FIGNL2: variants seen among roughly 807,000 people sequenced by gnomAD.
FIGNL2 encodes the protein fidgetin like 2, also known as fidgetin-like protein 2.
For missense variants in FIGNL2, 1,060 were observed against 950.2 expected (o/e 1.12, Z -1.52); for synonymous variants, 565 against 484.0 (o/e 1.17, Z -2.20).
At chr12:51,847,766 G>C in intron 1 of FIGNL2, 1 of 985,202 alleles carries the variant, frequency 1.0e-6, no homozygotes, top group Non-Finnish European at 1.2e-6. Context: ...CTGCAGCGGC[G>C]GGGGGGTTGC....
At chr12:51,843,203 G>GCA (rs1671116113) in intron 1 of FIGNL2, among the ~76,000 whole-genome samples, 1 of 152,172 alleles carries the variant, frequency 6.6e-6, no homozygotes, top group African/African-American at 2.4e-5. Flanking sequence ...CCAGAGCCTT[G>GCA]CACAGTACTG....
chr12:51,847,198 G>T, intron 1 of FIGNL2: 1 of 985,400 alleles, frequency 1.0e-6, no homozygotes, highest in East Asian at 1.1e-4. Flanking sequence ...AGGATGCTAT[G>T]GGATTTCGGG....
Position 51,821,250 on chromosome 12 carries a change from C to CG in FIGNL2, c.1163dup (p.Val389GlyfsTer139). 1 of 1,526,072 alleles carries CG rather than the reference C, an allele frequency of 6.6e-7. No individual in the cohort carries two copies. The highest frequency in any genetic ancestry group is 1.4e-5 in the African/African-American group (1 of 71,006). 94.5% of individuals were successfully genotyped at this position (1,526,072 alleles called of 1,614,324 possible). The stretch of plus-strand genomic sequence containing the variant: ...GGCCCGCCACATCCGCCCACTGCAC[C>CG]GGGGGCCCGCAGTCCACCATCTTGC... On this transcript the variant is annotated frameshift_variant, in exon 2 of 2. Transcript: ENST00000618634. LOFTEE classifies it low-confidence loss of function (END_TRUNC).
chr12:51,829,683 G>A (rs1339493790), intron 1 of FIGNL2, among the ~76,000 whole-genome samples: 1 of 151,946 alleles, frequency 6.6e-6, no homozygotes, highest in Non-Finnish European at 1.5e-5. Flanking sequence ...AGGCAAACCA[G>A]ACCACATTGG....
At position 51,822,960 on chromosome 12, in the gene FIGNL2, G is replaced by T. The variant is rs776865863; in HGVS notation, c.-11-536C>A. 2.6e-4 allele frequency among the ~76,000 whole-genome samples: 40 copies of T among 152,348 alleles called. No homozygotes were observed. The Middle Eastern group carries it at 0.017, about 65-fold the overall frequency. ...GAAGTTTGTTATTCCTAAATGCTCT[G>T]TTCACCTCAGCCCTTCCTGAGATTC... On this transcript the variant is annotated intron_variant, in intron 1 of 1. Transcript: ENST00000618634.
intron 1 of FIGNL2, chr12:51,831,875 C>G (rs1939479429): frequency 6.5e-6 from 1 of 153,984 alleles, no homozygotes; most frequent in Non-Finnish European, 1.5e-5. Context: ...AGGTCTTGCT[C>G]TGTTGCCCAG....
chr12:51,822,752 C>T (rs1939251934), intron 1 of FIGNL2, among the ~76,000 whole-genome samples: 1 of 152,220 alleles, frequency 6.6e-6, no homozygotes. Context: ...ACACGTGATC[C>T]TTACTTTCTA....
chr12:51,823,631 C>G (rs190749723), intron 1 of FIGNL2: 1 of 152,166 alleles, frequency 6.6e-6, no homozygotes, highest in Admixed American at 6.5e-5. Context: ...TGTGGGCCAG[C>G]CTGATAAAAT....
In FIGNL2 at chr12:51,848,698, G is replaced by T. The variant is rs1939804792; in HGVS notation, c.-170C>A. On this transcript the variant is annotated 5_prime_UTR_variant, in exon 1 of 2. Coordinates refer to ENST00000618634, the MANE Select transcript of FIGNL2 (RefSeq NM_001384995.1). ...CGCTGCTGCTGCGGCTGCTGCGGCC[G>T]CCGCGGGCGGGAGCGGGACTGGGCA... 5 of 274,936 alleles carry T rather than the reference G, an allele frequency of 1.8e-5. No individual in the cohort carries two copies. The highest frequency in any genetic ancestry group is 2.8e-5 in the Non-Finnish European group (5 of 180,702). The allele number at this position is 274,936 out of a possible 1,614,324, so 17.0% of individuals were successfully genotyped here.
At chr12:51,831,842 A>T (rs73107290) in intron 1 of FIGNL2, 2,475 of 154,152 alleles carry the variant, frequency 0.016, 37 homozygotes, top group Non-Finnish European at 0.025. Context: ...AAAAGCCCAA[A>T]ATATATATAC....
At chr12:51,835,808 T>C (rs866522947) in intron 1 of FIGNL2, among the ~76,000 whole-genome samples, 15 of 60,092 alleles carry the variant, frequency 2.5e-4, no homozygotes, top group African/African-American at 4.6e-4. Flanking sequence ...TAGACTTCTT[T>C]TTTTTTTTTT....
chr12:51,846,320 CG>C (rs1331950601), intron 1 of FIGNL2, among the ~76,000 whole-genome samples: 1 of 152,114 alleles, frequency 6.6e-6, no homozygotes, highest in Non-Finnish European at 1.5e-5. Flanking sequence ...GGTGCGCATC[CG>C]AGTTGGGCCC....
At chr12:51,847,958 AGAG>A (rs1324212819) in intron 1 of FIGNL2, among the ~76,000 whole-genome samples, 1 of 152,014 alleles carries the variant, frequency 6.6e-6, no homozygotes, top group African/African-American at 2.4e-5. Flanking sequence ...CTCCCGGGCC[AGAG>A]GAGAAGACAT....
Position 51,820,268 on chromosome 12 carries a change from C to T in FIGNL2, c.*184G>A. The T allele has an allele frequency of 1.3e-6, 1 of 775,542 alleles. No homozygotes were observed. The highest frequency in any genetic ancestry group is 2.0e-6 in the Non-Finnish European group (1 of 505,370). 48.0% of individuals were successfully genotyped at this position (775,542 alleles called of 1,614,324 possible). On this transcript the variant is annotated 3_prime_UTR_variant, in exon 2 of 2. Coordinates refer to ENST00000618634, the MANE Select transcript of FIGNL2 (RefSeq NM_001384995.1). Reference sequence around the variant, plus strand: ...CCTGAGTACACGGCGCATATGGCATCTGCCTGGCAGAAGCATTTTCCTTCC... The same window carrying T: ...CCTGAGTACACGGCGCATATGGCATTTGCCTGGCAGAAGCATTTTCCTTCC...
At position 51,821,111 on chromosome 12, in the gene FIGNL2, C is replaced by T; in HGVS notation, c.1303G>A (p.Gly435Ser). The part of the protein sequence containing the change: ...PRTVLLFGPR[G>S]AGKALLGRCL... ...CGGCCCAGCAGCGCTTTGCCCGCGC[C>T]CCGCGGCCCAAAGAGCAGGACGGTC... The change falls in exon 2 of 2, where the codon GGC (glycine) becomes AGC (serine). Residue 435 changes from glycine to serine, a missense_variant. Physicochemically the swap from Gly to Ser is moderately conservative, Grantham distance 56. Coordinates refer to ENST00000618634, the MANE Select transcript of FIGNL2 (RefSeq NM_001384995.1). The T allele has an allele frequency of 7.2e-7, 1 of 1,382,434 alleles. No homozygotes were observed. Among genetic ancestry groups the T allele is most frequent in the South Asian group, 1.6e-5 (1 of 61,000 alleles). 85.6% of individuals were successfully genotyped at this position (1,382,434 alleles called of 1,614,324 possible).
chr12:51,844,558 C>A, intron 1 of FIGNL2: 1 of 410,098 alleles, frequency 2.4e-6, no homozygotes, highest in South Asian at 1.0e-4. Context: ...TCCTTTCATC[C>A]TCACAATATC....
At chr12:51,825,031 T>C (rs1219314499) in intron 1 of FIGNL2, among the ~76,000 whole-genome samples, 1 of 151,284 alleles carries the variant, frequency 6.6e-6, no homozygotes, top group South Asian at 2.1e-4. Context: ...GCGACAAGAG[T>C]GAGACTCCAT....
chr12:51,829,457 A>ACCTG (rs1939410160), intron 1 of FIGNL2, among the ~76,000 whole-genome samples: 1 of 152,146 alleles, frequency 6.6e-6, no homozygotes, highest in Non-Finnish European at 1.5e-5. Context: ...GGCACCTACC[A>ACCTG]TACAGGAACC....
In FIGNL2 at chr12:51,820,760, G is replaced by A. The variant is rs1208183065; in HGVS notation, c.1654C>T (p.Arg552Cys). Residue 552 changes from arginine to cysteine, a missense_variant, in exon 2 of 2, where the codon CGC (arginine) becomes TGC (cysteine). Arg to Cys is a radical substitution (Grantham distance 180). Transcript: ENST00000618634. ...CTGTCGGGCAGCGCCACGTAGAAGC[G>A]GAGAGAGAAGCGCCGGCGGGTCGCC... ...DEATRRRFSLRFYVALPDSPA... is the reference protein window; with the variant it reads ...DEATRRRFSLCFYVALPDSPA... 2 of 1,486,176 alleles carry A rather than the reference G, an allele frequency of 1.3e-6. No individual in the cohort carries two copies. Among genetic ancestry groups the A allele is most frequent in the African/African-American group, 1.5e-5 (1 of 68,508 alleles). The allele number at this position is 1,486,176 out of a possible 1,614,324, so 92.1% of individuals were successfully genotyped here. A position where few individuals can be genotyped will look rare whatever the true frequency, so the allele number is the denominator to read the frequency against.
Sources: allele counts gnomAD v4.1 joint callset (sites outside exome capture counted in the v4.1 genomes callset), GRCh38; gene constraint gnomAD v4.1.1; transcripts MANE v1.5; gene names NCBI Gene and HGNC (gene_info 2026-07-23, HGNC 2026-07-21).